Variants in DDX10 observed in about 807,000 individuals in gnomAD.
DDX10 encodes the protein DEAD-box helicase 10, also known as probable ATP-dependent RNA helicase DDX10.
A neutral mutation model predicts 104.3 loss-of-function variants in DDX10; 74 were observed. The observed-to-expected ratio is 0.71, with a 90% CI of 0.59 to 0.86. DDX10 has a LOEUF of 0.86. Ranked by LOEUF, DDX10 falls within the 40% of genes least tolerant of loss-of-function variation. The pLI is 0.00. For missense variants in DDX10, 952 were observed against 1,040.0 expected, an observed-to-expected ratio of 0.92 and a Z score of 1.16; for synonymous variants, 351 against 353.4, an observed-to-expected ratio of 0.99 and a Z score of 0.08.
chr11:108,856,642 T>G (rs1191535660), intron 16 of DDX10, among the ~76,000 whole-genome samples: 1 of 152,222 alleles, frequency 6.6e-6, no homozygotes, highest in Non-Finnish European at 1.5e-5. Context: ...TCCTACTTTT[T>G]TGGTGCTAAA....
chr11:108,680,373 C>T (rs909770034), intron 6 of DDX10, among the ~76,000 whole-genome samples: 4 of 152,094 alleles, frequency 2.6e-5, no homozygotes, highest in South Asian at 2.1e-4. Flanking sequence ...TACCACCATG[C>T]GTGGCTAATT....
chr11:108,728,464 C>T (rs1175060180), intron 13 of DDX10, among the ~76,000 whole-genome samples: 1 of 147,278 alleles, frequency 6.8e-6, no homozygotes, highest in Non-Finnish European at 1.5e-5. Flanking sequence ...CTAGAGATAA[C>T]AACTGTCTTT....
intron 16 of DDX10, among the ~76,000 whole-genome samples, chr11:108,869,660 A>G (rs752257487): frequency 6.6e-6 from 1 of 152,046 alleles, no homozygotes; most frequent in Non-Finnish European, 1.5e-5. Context: ...TTTTTTTGAC[A>G]AGCAAAGTTT....
chr11:108,889,182 G>A (rs1863341651), intron 16 of DDX10, among the ~76,000 whole-genome samples: 1 of 152,054 alleles, frequency 6.6e-6, no homozygotes, highest in Admixed American at 6.6e-5. Flanking sequence ...ATAATCACAG[G>A]AGAATAAAGC....
At chr11:108,770,444 ATTCT>A (rs1019864074) in intron 13 of DDX10, among the ~76,000 whole-genome samples, 4 of 150,570 alleles carry the variant, frequency 2.7e-5, no homozygotes, top group African/African-American at 4.9e-5. Flanking sequence ...GGTCTTATTC[ATTCT>A]TTCTAACCAC....
chr11:108,724,503 G>A (rs75528456), intron 13 of DDX10, among the ~76,000 whole-genome samples: 1,792 of 152,192 alleles, frequency 0.012, 22 homozygotes, highest in Non-Finnish European at 0.02. Flanking sequence ...GAACATAGGT[G>A]TTCTGACTTT....
At chr11:108,812,830 G>A (rs555700179) in intron 13 of DDX10, among the ~76,000 whole-genome samples, 7 of 151,526 alleles carry the variant, frequency 4.6e-5, no homozygotes, top group African/African-American at 1.7e-4. Context: ...GAAACTACAA[G>A]AATTAGCCGG....
At chr11:108,892,349 G>A (rs150131797) in intron 16 of DDX10, among the ~76,000 whole-genome samples, 102 of 152,212 alleles carry the variant, frequency 6.7e-4, no homozygotes, top group African/African-American at 1.4e-3. Context: ...CTCTGGAGGC[G>A]GTCTGAGGCT....
intron 5 of DDX10, 37 bp downstream of exon 5, chr11:108,678,472 AGCTC>A: frequency 6.6e-7 from 1 of 1,520,258 alleles, no homozygotes; most frequent in Non-Finnish European, 8.8e-7. Context: ...AAAAAAAAAA[AGCTC>A]AGACTTAGGA....
At chr11:108,861,076 A>C (rs896111439) in intron 16 of DDX10, 1 of 150,506 alleles carries the variant, frequency 6.6e-6, no homozygotes, top group Non-Finnish European at 1.5e-5. Flanking sequence ...TTAACATTTG[A>C]GTCAGTGGGC....
intron 9 of DDX10, among the ~76,000 whole-genome samples, chr11:108,693,951 C>T (rs1407506882): frequency 6.6e-6 from 1 of 152,104 alleles, no homozygotes; most frequent in Non-Finnish European, 1.5e-5. Flanking sequence ...CAGTGGATGC[C>T]TGAAATCTCA....
intron 13 of DDX10, among the ~76,000 whole-genome samples, chr11:108,789,606 C>A (rs1861843447): frequency 6.6e-6 from 1 of 152,178 alleles, no homozygotes; most frequent in Non-Finnish European, 1.5e-5. Context: ...GTAAAATTGG[C>A]TTGTCCTTTG....
intron 17 of DDX10, among the ~76,000 whole-genome samples, chr11:108,931,931 T>C (rs967604807): frequency 5.3e-5 from 8 of 151,996 alleles, no homozygotes; most frequent in Admixed American, 1.3e-4. Context: ...GTTGGTCTGA[T>C]ATGAATTGTT....
intron 16 of DDX10, among the ~76,000 whole-genome samples, chr11:108,900,336 T>C (rs958510145): frequency 2.6e-5 from 4 of 152,214 alleles, no homozygotes; most frequent in African/African-American, 9.6e-5. Flanking sequence ...AATGGTCTAA[T>C]ACACCTGGCT....
chr11:108,793,436 T>TAATATAC (rs1408837893), intron 13 of DDX10, among the ~76,000 whole-genome samples: 1 of 152,122 alleles, frequency 6.6e-6, no homozygotes, highest in East Asian at 1.9e-4. Flanking sequence ...AAAGCAACAC[T>TAATATAC]ATTAAGGAGT....
At chr11:108,778,448 A>T (rs1591815858) in intron 13 of DDX10, among the ~76,000 whole-genome samples, 1 of 152,198 alleles carries the variant, frequency 6.6e-6, no homozygotes, top group Non-Finnish European at 1.5e-5. Flanking sequence ...TGGGGAAAGG[A>T]TTCTCTATTT....
chr11:108,909,003 A>AC (rs1357128138), intron 16 of DDX10, among the ~76,000 whole-genome samples: 2 of 152,050 alleles, frequency 1.3e-5, no homozygotes, highest in African/African-American at 4.8e-5. Flanking sequence ...ACACCCTTAA[A>AC]CCCCTGGGAT....
At chr11:108,668,691 G>C (rs1286358274) in intron 1 of DDX10, among the ~76,000 whole-genome samples, 1 of 152,102 alleles carries the variant, frequency 6.6e-6, no homozygotes, top group Non-Finnish European at 1.5e-5. Context: ...AATTTGACAG[G>C]CACTTGTCTA....
chr11:108,928,664 C>T (rs1228908812), intron 17 of DDX10, among the ~76,000 whole-genome samples: 1 of 152,010 alleles, frequency 6.6e-6, no homozygotes, highest in Non-Finnish European at 1.5e-5. Context: ...TCTCTGTGAC[C>T]CAGCTTTCTT....
Sources: gnomAD v4.1 joint callset for allele counts (sites outside exome capture counted in the v4.1 genomes callset) on GRCh38, gnomAD v4.1.1 for gene constraint, MANE v1.5 for transcripts, NCBI Gene and HGNC (gene_info 2026-07-23, HGNC 2026-07-21) for gene names.